The following SEPTIN7 variants were observed in gnomAD, a reference collection of about 807,000 sequenced individuals.
The protein encoded by SEPTIN7 is septin 7.
SEPTIN7 carries 10 observed loss-of-function variants against 63.3 expected under a neutral mutation model. The ratio of observed to expected loss-of-function variants is 0.16; its 90% CI spans 0.10 to 0.27. The LOEUF (loss-of-function observed/expected upper bound fraction) is 0.27. Ranked by LOEUF, SEPTIN7 falls within the 10% of genes least tolerant of loss-of-function variation. The pLI, the probability that SEPTIN7 is intolerant of heterozygous loss-of-function variation, is 1.00. For missense variants in SEPTIN7, 310 were observed against 521.0 expected (o/e 0.59, Z 3.94); for synonymous variants, 131 against 165.3 (o/e 0.79, Z 1.59).
chr7:35,879,665 TC>T (rs1186117598), intron 6 of SEPTIN7, 157 bp from the exon 7 acceptor site: 1 of 580,128 alleles, frequency 1.7e-6, no homozygotes, highest in African/African-American at 1.9e-5. Flanking sequence ...CTTCTTGAAG[TC>T]CTGTTCTACC....
intron 11 of SEPTIN7, among the ~76,000 whole-genome samples, chr7:35,895,467 T>C (rs1787903670): frequency 6.6e-6 from 1 of 152,186 alleles, no homozygotes; most frequent in Admixed American, 6.5e-5. Flanking sequence ...ATCTTAACTG[T>C]TAAATAATTG....
intron 1 of SEPTIN7, among the ~76,000 whole-genome samples, chr7:35,821,050 A>G (rs1789378687): frequency 6.9e-6 from 1 of 143,948 alleles, no homozygotes; most frequent in African/African-American, 2.6e-5. Flanking sequence ...CTTTGAAAGC[A>G]TTCCATGATT....
intron 1 of SEPTIN7, among the ~76,000 whole-genome samples, chr7:35,815,645 G>A (rs897608902): frequency 6.6e-6 from 1 of 152,126 alleles, no homozygotes; most frequent in Non-Finnish European, 1.5e-5. Context: ...GCCTTATGCA[G>A]TACCAATACT....
intron 3 of SEPTIN7, chr7:35,847,532 ATTAT>A (rs67433903): frequency 0.33 from 49,346 of 151,822 alleles, 8,186 homozygotes; most frequent in East Asian, 0.4. Context: ...CTTGCCTTTG[ATTAT>A]TTATTTGAAA....
chr7:35,810,386 C>T (rs766537609), intron 1 of SEPTIN7, among the ~76,000 whole-genome samples: 16 of 149,582 alleles, frequency 1.1e-4, no homozygotes, highest in Non-Finnish European at 1.9e-4. Flanking sequence ...TGCAGTGGCG[C>T]GATCTCAGCT....
chr7:35,885,351 A>G (rs1206824903), intron 9 of SEPTIN7, among the ~76,000 whole-genome samples: 1 of 152,052 alleles, frequency 6.6e-6, no homozygotes, highest in Non-Finnish European at 1.5e-5. Flanking sequence ...TCTCTTTTGT[A>G]GTTTACCCCT....
intron 1 of SEPTIN7, among the ~76,000 whole-genome samples, chr7:35,828,326 C>G (rs558643305): frequency 6.6e-6 from 1 of 152,144 alleles, no homozygotes; most frequent in Non-Finnish European, 1.5e-5. Flanking sequence ...TGGTTTTCTT[C>G]CTGTCTCCAC....
At position 35,889,601 on chromosome 7, in the gene SEPTIN7, A is replaced by G. The variant is rs554961011; in HGVS notation, c.873-1067A>G. ...GCTCATGTACTCAGGATGGAGTGCA[A>G]TGCGTGATCTTGGCTCACTGCAACC... On this transcript the variant is annotated intron_variant, in intron 10 of 13. Coordinates refer to ENST00000350320, the MANE Select transcript of SEPTIN7 (RefSeq NM_001788.6). Among the ~76,000 whole-genome samples, 144 of 152,128 alleles carry G rather than the reference A, an allele frequency of 9.5e-4. 1 individual carries two copies. Among genetic ancestry groups the G allele is most frequent in the African/African-American group, 3.2e-3 (134 of 41,500 alleles).
At chr7:35,803,732 T>G (rs1180290096) in intron 1 of SEPTIN7, among the ~76,000 whole-genome samples, 1 of 151,552 alleles carries the variant, frequency 6.6e-6, no homozygotes, top group Admixed American at 6.6e-5. Flanking sequence ...GTATACTTCT[T>G]TTTTTGTACT....
In SEPTIN7 at chr7:35,879,559, A is replaced by G. The variant is rs572948147; in HGVS notation, c.513-264A>G. ...TATAGAGATAATTCTAGGAAATTCT[A>G]TTAGGAGCCTTTCTGGTTTTTCCAA... is the stretch of plus-strand genomic sequence containing the variant. On this transcript the variant is annotated intron_variant, in intron 6 of 13. Transcript: ENST00000350320. 2.2e-5 allele frequency: 6 copies of G among 268,116 alleles called. No individual in the cohort carries two copies. The South Asian group carries it at 3.1e-4, about 14-fold the overall frequency. 16.6% of individuals were successfully genotyped at this position (268,116 alleles called of 1,614,324 possible).
At chr7:35,864,278 A>G (rs571738557) in intron 4 of SEPTIN7, among the ~76,000 whole-genome samples, 47 of 152,146 alleles carry the variant, frequency 3.1e-4, no homozygotes, top group African/African-American at 1.1e-3. Context: ...ATGCATTCCA[A>G]TCCTCGGTAT....
At chr7:35,837,826 G>C (rs1215139449) in intron 3 of SEPTIN7, among the ~76,000 whole-genome samples, 1 of 152,108 alleles carries the variant, frequency 6.6e-6, no homozygotes, top group African/African-American at 2.4e-5. Flanking sequence ...CCACCTCCCA[G>C]GTTCAGGCAG....
Position 35,853,927 on chromosome 7 carries a change from T to C in SEPTIN7, c.170-9625T>C, listed in dbSNP as rs529357956. On this transcript the variant is annotated intron_variant, in intron 3 of 13. Coordinates refer to ENST00000350320, the MANE Select transcript of SEPTIN7 (RefSeq NM_001788.6). ...TTATTAACTCTTTGGCACTAGTAAG[T>C]TATTTCACTTTTGTTTCTGTTTTTT... Among the ~76,000 whole-genome samples the C allele has an allele frequency of 8.5e-5, 13 of 152,246 alleles. No homozygotes were observed. The East Asian group carries it at 2.5e-3, about 29-fold the overall frequency.
chr7:35,839,533 G>GTTATC (rs1784299835), intron 3 of SEPTIN7, among the ~76,000 whole-genome samples: 1 of 129,054 alleles, frequency 7.7e-6, no homozygotes, highest in Non-Finnish European at 1.7e-5. Flanking sequence ...TTTATGTTAT[G>GTTATC]TTATGTTATG....
chr7:35,821,005 A>G (rs1334588086), intron 1 of SEPTIN7, among the ~76,000 whole-genome samples: 2 of 152,196 alleles, frequency 1.3e-5, no homozygotes, highest in Non-Finnish European at 1.5e-5. Context: ...GGACTACCAG[A>G]CACATCAAAT....
intron 3 of SEPTIN7, among the ~76,000 whole-genome samples, chr7:35,833,457 G>C (rs141393621): frequency 6.6e-6 from 1 of 151,970 alleles, no homozygotes; most frequent in African/African-American, 2.4e-5. Flanking sequence ...CCTGCCTATA[G>C]TCCATTTGAA....
At chr7:35,886,182 ATGTGAAAACCT>A (rs1166122435) in intron 10 of SEPTIN7, among the ~76,000 whole-genome samples, 9 of 152,304 alleles carry the variant, frequency 5.9e-5, no homozygotes, top group East Asian at 3.9e-4. Flanking sequence ...TTTTTTCTTA[ATGTGAAAACCT>A]TGTGAAAACT....
intron 8 of SEPTIN7, 151 bp from the exon 9 acceptor site, chr7:35,883,740 T>A: frequency 4.2e-6 from 2 of 480,284 alleles, no homozygotes. Flanking sequence ...TACTAAATAT[T>A]TGTTAAATGG....
chr7:35,847,628 T>TC (rs1253208233), intron 3 of SEPTIN7, among the ~76,000 whole-genome samples: 2 of 152,250 alleles, frequency 1.3e-5, no homozygotes, highest in Non-Finnish European at 2.9e-5. Flanking sequence ...TTTGAAACTT[T>TC]TTTTGCCTAG....
Sources: allele counts gnomAD v4.1 joint callset (sites outside exome capture counted in the v4.1 genomes callset), GRCh38; gene constraint gnomAD v4.1.1; transcripts MANE v1.5; gene names NCBI Gene and HGNC (gene_info 2026-07-23, HGNC 2026-07-21).